MAN2A1: variants seen among roughly 807,000 people sequenced by gnomAD.
MAN2A1 encodes alpha-mannosidase 2.
In MAN2A1, 76 loss-of-function variants were observed where a neutral mutation model predicts 142.6. That is an observed-to-expected ratio of 0.53 (90% confidence interval 0.44 to 0.65). The LOEUF is 0.65. MAN2A1 is among the 30% of genes least tolerant of loss of function. The pLI is 0.00. For synonymous variants in MAN2A1, 559 were observed against 473.2 expected, an observed-to-expected ratio of 1.18 and a Z score of -2.35; for missense variants, 1,311 against 1,365.1, an observed-to-expected ratio of 0.96 and a Z score of 0.62.
intron 19 of MAN2A1, chr5:109,854,275 T>G (rs755502279): frequency 6.6e-6 from 1 of 152,204 alleles, no homozygotes; most frequent in Non-Finnish European, 1.5e-5. Flanking sequence ...AGGTTAAGAT[T>G]CTACTCAGTC....
In MAN2A1 at chr5:109,725,419, G is replaced by A. The variant is rs1751716614; in HGVS notation, c.536-3923G>A. Among the ~76,000 whole-genome samples, 3 of 152,310 alleles carry A rather than the reference G, an allele frequency of 2.0e-5. No individual in the cohort carries two copies. In the South Asian group the frequency reaches 6.2e-4, roughly 32 times the overall value. On this transcript the variant is annotated intron_variant, in intron 3 of 21. Transcript: ENST00000261483. ...CAGGTCTACACCCCTACAAACTACAGCCTCTTGGCCACTGTTTAGGCTAGA... is the reference window on the plus strand; with the variant it reads ...CAGGTCTACACCCCTACAAACTACAACCTCTTGGCCACTGTTTAGGCTAGA...
rs759697478 is a variant in MAN2A1, at chr5:109,767,588, A to G, written c.889A>G (p.Met297Val). 7.4e-6 allele frequency: 12 copies of G among 1,613,684 alleles called. No homozygotes were observed. Among genetic ancestry groups the G allele is most frequent in the East Asian group, 2.2e-5 (1 of 44,880 alleles). ...AIDPFGHSPT[M>V]AYLLNRAGLS... is the part of the protein sequence containing the mutation. ...TGATCCCTTTGGACACTCACCAACA[A>G]TGGCTTATCTTCTAAACCGTGCTGG... The change falls in exon 6 of 22, where the codon ATG (methionine) becomes GTG (valine). Residue 297 changes from methionine to valine, a missense_variant. Transcript: ENST00000261483.
At chr5:109,764,583 A>G (rs1189637727) in intron 5 of MAN2A1, among the ~76,000 whole-genome samples, 2 of 152,118 alleles carry the variant, frequency 1.3e-5, no homozygotes, top group Non-Finnish European at 2.9e-5. Flanking sequence ...CTTTCATATC[A>G]AAGTTTTAAA....
chr5:109,813,190 T>C lies in MAN2A1; in HGVS notation c.1944-4083T>C, dbSNP rs549622582. Among the ~76,000 whole-genome samples the C allele has an allele frequency of 5.1e-4, 77 of 152,334 alleles. 1 individual carries two copies. The highest frequency in any genetic ancestry group is 1.8e-3 in the African/African-American group (76 of 41,580). On this transcript the variant is annotated intron_variant, in intron 12 of 21. Coordinates refer to ENST00000261483, the MANE Select transcript of MAN2A1 (RefSeq NM_002372.4). ...TAAATTTTCTTTCACAAATATAATATACTTGAAATGTAAATAGCTTATTGC... is the reference window on the plus strand; with the variant it reads ...TAAATTTTCTTTCACAAATATAATACACTTGAAATGTAAATAGCTTATTGC...
intron 16 of MAN2A1, among the ~76,000 whole-genome samples, chr5:109,834,648 C>G (rs1038904346): frequency 6.6e-6 from 1 of 151,902 alleles, no homozygotes; most frequent in Non-Finnish European, 1.5e-5. Context: ...TAGTGCCTAA[C>G]TCATAAGTTA....
At chr5:109,745,901 G>A (rs1440359229) in intron 4 of MAN2A1, among the ~76,000 whole-genome samples, 2 of 152,198 alleles carry the variant, frequency 1.3e-5, no homozygotes, top group East Asian at 1.9e-4. Flanking sequence ...ATAGGTGTGA[G>A]CCACTGCACT....
intron 10 of MAN2A1, 133 bp from the exon 11 acceptor site, chr5:109,788,801 A>C (rs752700431): frequency 4.5e-5 from 26 of 583,288 alleles, no homozygotes; most frequent in South Asian, 1.8e-4. Context: ...CAGGTTTGTC[A>C]TAGATTCATT....
chr5:109,718,296 T>C (rs967979824), intron 3 of MAN2A1, among the ~76,000 whole-genome samples: 3 of 152,230 alleles, frequency 2.0e-5, no homozygotes, highest in African/African-American at 7.2e-5. Flanking sequence ...TCTTTTCCTT[T>C]TTCTGCAACT....
chr5:109,841,786 A>G (rs968001465), intron 16 of MAN2A1, among the ~76,000 whole-genome samples: 16 of 152,224 alleles, frequency 1.1e-4, no homozygotes, highest in African/African-American at 3.1e-4. Context: ...ATAGTCCACA[A>G]ATACTAATAT....
chr5:109,788,340 C>T (rs1038010638), intron 10 of MAN2A1, among the ~76,000 whole-genome samples: 1 of 149,978 alleles, frequency 6.7e-6, no homozygotes, highest in African/African-American at 2.4e-5. Context: ...CATAAAAATA[C>T]AATTTGAATA....
intron 16 of MAN2A1, among the ~76,000 whole-genome samples, chr5:109,829,632 C>T (rs953868253): frequency 2.0e-5 from 3 of 152,200 alleles, no homozygotes; most frequent in Admixed American, 6.5e-5. Context: ...TGTATTCCAT[C>T]TCCTGTTACA....
intron 16 of MAN2A1, among the ~76,000 whole-genome samples, chr5:109,841,230 T>G (rs930712679): frequency 2.6e-5 from 4 of 152,192 alleles, no homozygotes; most frequent in African/African-American, 9.6e-5. Context: ...TTGTGAAATT[T>G]TGGTGCACCC....
intron 7 of MAN2A1, among the ~76,000 whole-genome samples, chr5:109,772,856 T>A (rs1000541311): frequency 1.3e-5 from 2 of 151,782 alleles, no homozygotes; most frequent in African/African-American, 4.9e-5. Context: ...TTAACCATAA[T>A]GTACAGATGG....
chr5:109,826,262 G>A (rs11949519), intron 16 of MAN2A1, among the ~76,000 whole-genome samples: 16,993 of 151,756 alleles, frequency 0.11, 1,435 homozygotes, highest in African/African-American at 0.24. Flanking sequence ...CTTCCTTGGT[G>A]TTCTCGGGCA....
chr5:109,795,663 C>G (rs954703412), intron 12 of MAN2A1, among the ~76,000 whole-genome samples: 2 of 152,110 alleles, frequency 1.3e-5, no homozygotes, highest in Admixed American at 1.3e-4. Flanking sequence ...TCTTTTAAAG[C>G]AAGTATGGAG....
intron 6 of MAN2A1, among the ~76,000 whole-genome samples, chr5:109,768,964 T>A (rs1753065598): frequency 6.6e-6 from 1 of 152,226 alleles, no homozygotes; most frequent in Non-Finnish European, 1.5e-5. Flanking sequence ...AAAACATCCT[T>A]GCTTATAGGG....
chr5:109,727,258 C>A (rs780458063), intron 3 of MAN2A1, among the ~76,000 whole-genome samples: 6 of 152,094 alleles, frequency 3.9e-5, no homozygotes, highest in Non-Finnish European at 8.8e-5. Flanking sequence ...AGTCCAAGAT[C>A]AAGGTGTTGG....
chr5:109,706,770 A>G (rs1751145482), intron 1 of MAN2A1, among the ~76,000 whole-genome samples: 1 of 152,154 alleles, frequency 6.6e-6, no homozygotes, highest in Non-Finnish European at 1.5e-5. Flanking sequence ...AACATAAATG[A>G]AAGGTGGTAT....
rs1368446121 is a variant in MAN2A1 at position 109,842,324 on chromosome 5, T to C, written c.2567-4T>C. On this transcript the variant is annotated splice_region_variant and splice_polypyrimidine_tract_variant and intron_variant, in intron 16 of 21. Coordinates refer to ENST00000261483, the MANE Select transcript of MAN2A1 (RefSeq NM_002372.4). Reference sequence around the variant, plus strand: ...TTAATCCATATATATTTTTTTAAATTTAGGAATAGAAGGACAGTCTGTGGA... The same window carrying C: ...TTAATCCATATATATTTTTTTAAATCTAGGAATAGAAGGACAGTCTGTGGA... 1 of 1,518,846 alleles carries C rather than the reference T, an allele frequency of 6.6e-7. No individual in the cohort carries two copies. The highest frequency in any genetic ancestry group is 8.9e-7 in the Non-Finnish European group (1 of 1,124,148). 94.1% of individuals were successfully genotyped at this position (1,518,846 alleles called of 1,614,324 possible). A position where few individuals can be genotyped will look rare whatever the true frequency, so the allele number is the denominator to read the frequency against.
Sources: gnomAD v4.1 joint callset for allele counts (sites outside exome capture counted in the v4.1 genomes callset) on GRCh38, gnomAD v4.1.1 for gene constraint, MANE v1.5 for transcripts, NCBI Gene and HGNC (gene_info 2026-07-23, HGNC 2026-07-21) for gene names.